The following THAP2 variants were observed in gnomAD, a reference collection of about 807,000 sequenced individuals.
The protein encoded by THAP2 is THAP domain-containing protein 2.
In THAP2, 16 loss-of-function variants were observed where a neutral mutation model predicts 18.8. That is an observed-to-expected ratio of 0.85 (90% confidence interval 0.58 to 1.29). THAP2 has a LOEUF of 1.29. THAP2 is among the 50% of genes most tolerant of loss of function. The pLI, the probability that THAP2 is intolerant of heterozygous loss-of-function variation, is 0.00. For missense variants in THAP2, 251 were observed against 265.3 expected (o/e 0.95, Z 0.38); for synonymous variants, 80 against 89.2 (o/e 0.90, Z 0.58).
intron 1 of THAP2, chr12:71,664,851 G>C (rs1011667192): frequency 4.3e-5 from 30 of 702,756 alleles, no homozygotes; most frequent in Non-Finnish European, 7.3e-5. Flanking sequence ...ATTTTCTACT[G>C]TTTTATTCCT....
At chr12:71,671,773 AC>A (rs1881443034) in intron 1 of THAP2, among the ~76,000 whole-genome samples, 1 of 152,056 alleles carries the variant, frequency 6.6e-6, no homozygotes, top group Non-Finnish European at 1.5e-5. Flanking sequence ...AAAACTTCTG[AC>A]CCTCTGATCT....
At position 71,678,743 on chromosome 12, in the gene THAP2, A is replaced by C. The variant is rs1256230407; in HGVS notation, c.*1635A>C. ...GTAACAATTCTTTTACAGTATTAGCACTCTCTTTACTAAGGAATGCCTCCC... is the reference window on the plus strand; with the variant it reads ...GTAACAATTCTTTTACAGTATTAGCCCTCTCTTTACTAAGGAATGCCTCCC... On this transcript the variant is annotated 3_prime_UTR_variant, in exon 3 of 3. Transcript: ENST00000308086. 1 of 152,054 alleles carries C rather than the reference A, an allele frequency of 6.6e-6. No homozygotes were observed. The highest frequency in any genetic ancestry group is 2.4e-5 in the African/African-American group (1 of 41,408). 9.4% of individuals were successfully genotyped at this position (152,054 alleles called of 1,614,324 possible).
rs1881561791 is a variant in THAP2, at chr12:71,678,984, C to T, written c.*1876C>T. 1 of 152,074 alleles carries T rather than the reference C, an allele frequency of 6.6e-6. No individual in the cohort carries two copies. The highest frequency in any genetic ancestry group is 2.4e-5 in the African/African-American group (1 of 41,422). The allele number at this position is 152,074 out of a possible 1,614,324, so 9.4% of individuals were successfully genotyped here. ...TTGCCAACATATAATCATCATCAAA[C>T]ATTCACTGACCATATCTATTTTATA... On this transcript the variant is annotated 3_prime_UTR_variant, in exon 3 of 3. Transcript: ENST00000308086.
At chr12:71,671,406 T>C (rs1346267487) in intron 1 of THAP2, among the ~76,000 whole-genome samples, 1 of 152,214 alleles carries the variant, frequency 6.6e-6, no homozygotes, top group East Asian at 1.9e-4. Context: ...CTCAACTCCA[T>C]CAAGCTGTCT....
intron 1 of THAP2, among the ~76,000 whole-genome samples, chr12:71,668,465 A>G (rs1247097716): frequency 8.9e-6 from 1 of 111,818 alleles, no homozygotes; most frequent in Non-Finnish European, 1.6e-5. Context: ...CACTTTACAT[A>G]TGATAAAAGG....
At chr12:71,667,368 T>C (rs1308773907) in intron 1 of THAP2, among the ~76,000 whole-genome samples, 2 of 152,218 alleles carry the variant, frequency 1.3e-5, no homozygotes, top group Non-Finnish European at 2.9e-5. Context: ...CAGCATCTAC[T>C]TGTTGATGCC....
chr12:71,674,218 TA>T lies in THAP2; in HGVS notation c.91del (p.Arg31GlufsTer34). On this transcript the variant is annotated frameshift_variant, in exon 2 of 3. Coordinates refer to ENST00000308086, the MANE Select transcript of THAP2 (RefSeq NM_031435.4). LOFTEE classifies it high-confidence loss of function. ...ISFHRFPLDP[K>X]RRKEWVRLVR... ...TTTTTTTAAGGTTTCCTTTGGATCC[TA>T]AAAGAAGAAAAGAATGGGTTCGCCT... The T allele has an allele frequency of 1.3e-6, 2 of 1,595,516 alleles. No homozygotes were observed. The highest frequency in any genetic ancestry group is 8.5e-7 in the Non-Finnish European group (1 of 1,172,226).
Position 71,674,326 on chromosome 12 carries a change from A to G in THAP2, c.195A>G (p.Thr65=). The G allele has an allele frequency of 6.2e-7, 1 of 1,613,428 alleles. No individual in the cohort carries two copies. The highest frequency in any genetic ancestry group is 8.5e-7 in the Non-Finnish European group (1 of 1,179,510). The change falls in exon 2 of 3, where the codon ACA becomes ACG. Residue 65 remains threonine (T), a synonymous_variant. Coordinates refer to ENST00000308086, the MANE Select transcript of THAP2 (RefSeq NM_031435.4). ...KHFEASCFDL[T]GQTRRLKMDA... ...TTGAAGCCTCCTGTTTTGACCTAAC[A>G]GGACAAACTCGACGACTTAAAATGG... is the stretch of plus-strand genomic sequence containing the variant.
In THAP2 at chr12:71,665,137, G is replaced by A; in HGVS notation, c.71+557G>A. On this transcript the variant is annotated intron_variant, in intron 1 of 2. Transcript: ENST00000308086. ...GAATAGAGTAATAAAAAGAACCTAG[G>A]TTTTCTTTTGTTTGCTGGAAGAAAA... The A allele has an allele frequency of 1.5e-5, 8 of 548,174 alleles. 1 individual carries two copies. The South Asian group carries it at 1.9e-4, about 13-fold the overall frequency. The allele number at this position is 548,174 out of a possible 1,614,324, so 34.0% of individuals were successfully genotyped here. A position where few individuals can be genotyped will look rare whatever the true frequency, so the allele number is the denominator to read the frequency against.
At chr12:71,671,837 A>C (rs76566085) in intron 1 of THAP2, among the ~76,000 whole-genome samples, 10,201 of 152,236 alleles carry the variant, frequency 0.067, 380 homozygotes, top group South Asian at 0.086. Flanking sequence ...ACTTTGACAC[A>C]TTCTGTGTTG....
At chr12:71,673,860 C>T (rs1457289603) in intron 1 of THAP2, among the ~76,000 whole-genome samples, 4 of 152,074 alleles carry the variant, frequency 2.6e-5, no homozygotes, top group Admixed American at 6.6e-5. Flanking sequence ...CAGATTAAAG[C>T]GTGGTGAAAT....
At chr12:71,672,423 C>T (rs2137580065) in intron 1 of THAP2, among the ~76,000 whole-genome samples, 1 of 152,210 alleles carries the variant, frequency 6.6e-6, no homozygotes, top group Middle Eastern at 3.4e-3. Flanking sequence ...CTCACCTTTT[C>T]TCCAGAGTTC....
At chr12:71,674,495 C>A in intron 2 of THAP2, 97 bp downstream of exon 2, 1 of 1,251,090 alleles carries the variant, frequency 8.0e-7, no homozygotes, top group Non-Finnish European at 1.1e-6. Context: ...TAGTGATATG[C>A]CTCAAAAAAG....
chr12:71,678,033 C>G lies in THAP2; in HGVS notation c.*925C>G, dbSNP rs1203301889. On this transcript the variant is annotated 3_prime_UTR_variant, in exon 3 of 3. Coordinates refer to ENST00000308086, the MANE Select transcript of THAP2 (RefSeq NM_031435.4). ...TTTTTTTTTCCTCTTCATAAACCCA[C>G]AGTAAAATTTAATCACAGGAAACTA... 1.3e-5 allele frequency: 2 copies of G among 151,918 alleles called. No homozygotes were observed. Among genetic ancestry groups the G allele is most frequent in the African/African-American group, 4.8e-5 (2 of 41,372 alleles). 9.4% of individuals were successfully genotyped at this position (151,918 alleles called of 1,614,324 possible).
chr12:71,669,369 C>T (rs2137577608), intron 1 of THAP2, among the ~76,000 whole-genome samples: 1 of 152,218 alleles, frequency 6.6e-6, no homozygotes, highest in Non-Finnish European at 1.5e-5. Context: ...GCATTGATTT[C>T]CTAATTAAGG....
Position 71,664,483 on chromosome 12 carries a change from A to T in THAP2, c.-27A>T, listed in dbSNP as rs1163252172. 3 of 1,613,864 alleles carry T rather than the reference A, an allele frequency of 1.9e-6. No individual in the cohort carries two copies. Among genetic ancestry groups the T allele is most frequent in the Non-Finnish European group, 1.7e-6 (2 of 1,179,892 alleles). On this transcript the variant is annotated 5_prime_UTR_variant, in exon 1 of 3. It adds an upstream start codon to the 5' untranslated region. Transcript: ENST00000308086. ...CAGCCAGCGCCTCAGTAGAGACCTA[A>T]GGGCGCTGAATGAGTGGGAAAGGGA... is the stretch of plus-strand genomic sequence containing the variant.
At position 71,676,793 on chromosome 12, in the gene THAP2, C is replaced by T. The variant is rs763478522; in HGVS notation, c.372C>T (p.His124=). 10 of 1,613,542 alleles carry T rather than the reference C, an allele frequency of 6.2e-6. No homozygotes were observed. The highest frequency in any genetic ancestry group is 6.8e-6 in the Non-Finnish European group (8 of 1,179,588). The change falls in exon 3 of 3, where the codon CAC becomes CAT. Residue 124 remains histidine, a synonymous_variant. Transcript: ENST00000308086. ...NISSQQVLLE[H]SYAFRNPMEA... is the part of the protein sequence containing the mutation. The stretch of plus-strand genomic sequence containing the variant: ...GTAGTCAGCAAGTACTACTTGAACA[C>T]AGCTATGCCTTTAGGAATCCTATGG...
chr12:71,664,773 C>T, intron 1 of THAP2, 193 bp downstream of exon 1: 4 of 743,170 alleles, frequency 5.4e-6, no homozygotes, highest in Middle Eastern at 4.6e-4. Context: ...TACTCATTTT[C>T]TAAAAGAAAT....
Position 71,664,413 on chromosome 12 carries a change from G to T in THAP2, c.-97G>T. 2 of 1,486,710 alleles carry T rather than the reference G, an allele frequency of 1.3e-6. No individual in the cohort carries two copies. The highest frequency in any genetic ancestry group is 1.9e-6 in the Non-Finnish European group (2 of 1,066,878). The allele number at this position is 1,486,710 out of a possible 1,614,324, so 92.1% of individuals were successfully genotyped here. Reference sequence around the variant, plus strand: ...TCACGACTAAGCTCTCACGATTAAGGCACGCCTGCCTCGATTGTCCAGCCT... The same window carrying T: ...TCACGACTAAGCTCTCACGATTAAGTCACGCCTGCCTCGATTGTCCAGCCT... On this transcript the variant is annotated 5_prime_UTR_variant, in exon 1 of 3. Transcript: ENST00000308086.
Sources: allele counts gnomAD v4.1 joint callset (sites outside exome capture counted in the v4.1 genomes callset), GRCh38; gene constraint gnomAD v4.1.1; transcripts MANE v1.5; gene names NCBI Gene and HGNC (gene_info 2026-07-23, HGNC 2026-07-21).